RAD17: variants seen among roughly 807,000 people sequenced by gnomAD.
RAD17 encodes RAD17 checkpoint clamp loader component, also known as cell cycle checkpoint protein RAD17.
Under a neutral mutation model 81.5 loss-of-function variants are expected in RAD17, and 31 were observed. That is an observed-to-expected ratio of 0.38 (90% CI 0.29 to 0.51). RAD17 has a LOEUF of 0.51. RAD17 is among the 20% of genes least tolerant of loss of function. The probability of loss-of-function intolerance (pLI) is 0.88; values close to 1 mark genes in which losing one functional copy is unlikely to be tolerated. For missense variants in RAD17, 681 were observed against 781.2 expected (o/e 0.87, Z 1.53); for synonymous variants, 261 against 266.2 (o/e 0.98, Z 0.19).
intron 7 of RAD17, among the ~76,000 whole-genome samples, chr5:69,383,463 C>G (rs1272862845): frequency 6.6e-6 from 1 of 151,936 alleles, no homozygotes; most frequent in East Asian, 1.9e-4. Context: ...ACTGCAAGCT[C>G]CGCCTCCTGG....
Position 69,374,723 on chromosome 5 carries a change from A to G in RAD17, c.351+12A>G, listed in dbSNP as rs17229838. ...GGCAACCAAAACAGGTAACTAAGAA[A>G]TGTGTTTTTAAATATTTAACATCAA... On this transcript the variant is annotated intron_variant, in intron 6 of 18. Coordinates refer to ENST00000354868, the MANE Select transcript of RAD17 (RefSeq NM_133338.3). 747 of 1,579,424 alleles carry G rather than the reference A, an allele frequency of 4.7e-4. 11 individuals carry two copies. The Admixed American group carries it at 0.013, about 27-fold the overall frequency.
chr5:69,400,064 C>G lies in RAD17; in HGVS notation c.1588C>G (p.Leu530Val). The G allele has an allele frequency of 6.3e-7, 1 of 1,592,950 alleles. No individual in the cohort carries two copies. Among genetic ancestry groups the G allele is most frequent in the Non-Finnish European group, 8.5e-7 (1 of 1,170,466 alleles). Reference protein sequence around the residue: ...LINKKYRENCLAAKALFPDFC... With the variant: ...LINKKYRENCVAAKALFPDFC... Reference sequence around the variant, plus strand: ...TTCTATACAGTATCGGGAAAATTGCCTGGCAGCAAAAGCACTTTTTCCTGA... The same window carrying G: ...TTCTATACAGTATCGGGAAAATTGCGTGGCAGCAAAAGCACTTTTTCCTGA... Residue 530 changes from leucine to valine, a missense_variant, in exon 17 of 19, where the codon CTG (leucine) becomes GTG (valine). Leu to Val is a conservative substitution (Grantham distance 32, BLOSUM62 1). Coordinates refer to ENST00000354868, the MANE Select transcript of RAD17 (RefSeq NM_133338.3).
intron 17 of RAD17, among the ~76,000 whole-genome samples, chr5:69,402,404 G>A (rs547168219): frequency 2.0e-5 from 3 of 151,054 alleles, no homozygotes; most frequent in South Asian, 2.1e-4. Flanking sequence ...AGTGGTTCAC[G>A]CCTGTAATCC....
At chr5:69,395,274 T>A (rs962476002) in intron 15 of RAD17, among the ~76,000 whole-genome samples, 1 of 151,474 alleles carries the variant, frequency 6.6e-6, no homozygotes, top group Non-Finnish European at 1.5e-5. Flanking sequence ...ACTTTGGGAG[T>A]CCAAGGCAGG....
intron 6 of RAD17, among the ~76,000 whole-genome samples, chr5:69,381,530 T>G (rs1409010598): frequency 6.6e-6 from 1 of 152,048 alleles, no homozygotes; most frequent in Non-Finnish European, 1.5e-5. Flanking sequence ...TCTAAAAATC[T>G]TTGTTTCAGA....
At chr5:69,377,834 T>A (rs995306901) in intron 6 of RAD17, among the ~76,000 whole-genome samples, 2 of 151,790 alleles carry the variant, frequency 1.3e-5, no homozygotes, top group African/African-American at 4.8e-5. Context: ...GACGGTTGCC[T>A]ACACTGGATT....
chr5:69,370,554 C>T (rs1333408358), intron 1 of RAD17, among the ~76,000 whole-genome samples: 2 of 152,130 alleles, frequency 1.3e-5, no homozygotes, highest in South Asian at 2.1e-4. Flanking sequence ...TTTGGCCAGG[C>T]TGGTCTCAAA....
At chr5:69,395,464 A>G (rs1217884292) in intron 15 of RAD17, among the ~76,000 whole-genome samples, 3 of 152,226 alleles carry the variant, frequency 2.0e-5, no homozygotes, top group Non-Finnish European at 4.4e-5. Context: ...GTGAGCTGTG[A>G]TCGTGCCACC....
intron 6 of RAD17, among the ~76,000 whole-genome samples, chr5:69,375,545 C>T (rs909909599): frequency 4.6e-5 from 7 of 152,070 alleles, no homozygotes; most frequent in Admixed American, 1.3e-4. Flanking sequence ...ATAGAATATA[C>T]TCATTGTTTC....
chr5:69,393,065 A>AT, intron 13 of RAD17, 90 bp from the exon 14 acceptor site: 1 of 747,976 alleles, frequency 1.3e-6, no homozygotes, highest in East Asian at 2.7e-5. Context: ...TTGGTATTGT[A>AT]TGTCTAAAAT....
chr5:69,372,583 GTAATTATTAGCTAATAATTTC>G (rs970062255), intron 4 of RAD17, among the ~76,000 whole-genome samples: 5 of 151,844 alleles, frequency 3.3e-5, no homozygotes, highest in Admixed American at 2.0e-4. Flanking sequence ...CTAATTATTT[GTAATTATTAGCTAATAATTTC>G]TAATTATTAG....
intron 18 of RAD17, 64 bp from the exon 19 acceptor site, chr5:69,413,967 C>T (rs1561282892): frequency 3.2e-6 from 5 of 1,553,292 alleles, no homozygotes; most frequent in Non-Finnish European, 4.4e-6. Flanking sequence ...TCATCACACT[C>T]ATGGTGTAAT....
At chr5:69,405,288 G>A (rs915180362) in intron 17 of RAD17, among the ~76,000 whole-genome samples, 6 of 151,858 alleles carry the variant, frequency 4.0e-5, no homozygotes, top group African/African-American at 1.5e-4. Context: ...CGGATCACGA[G>A]GTCATGAGTT....
chr5:69,387,500 AAACT>A (rs1289292074), intron 11 of RAD17, among the ~76,000 whole-genome samples: 3 of 152,210 alleles, frequency 2.0e-5, no homozygotes, highest in African/African-American at 4.8e-5. Flanking sequence ...AATGAGAAAC[AAACT>A]GAGTCCAATA....
intron 6 of RAD17, among the ~76,000 whole-genome samples, chr5:69,377,811 G>A (rs1763610505): frequency 1.3e-5 from 2 of 151,042 alleles, no homozygotes; most frequent in African/African-American, 2.4e-5. Context: ...TTTAGAGACA[G>A]GGTCTTGCTA....
intron 17 of RAD17, among the ~76,000 whole-genome samples, chr5:69,401,831 CAAAA>C (rs781326416): frequency 7.7e-6 from 1 of 130,360 alleles, no homozygotes; most frequent in Non-Finnish European, 1.6e-5. Context: ...ACTAAAAATA[CAAAA>C]AAAACCCACA....
chr5:69,369,819 T>G lies in RAD17; in HGVS notation c.-531T>G, dbSNP rs1762808006. On this transcript the variant is annotated 5_prime_UTR_variant, in exon 1 of 19. Transcript: ENST00000354868. ...AGTCTGGAAGGTCCCCGGGAGGCCG[T>G]ACCTCCGAGAGGCTCGGCGTTGAGC... 5.7e-6 allele frequency: 6 copies of G among 1,044,884 alleles called. No individual in the cohort carries two copies. Among genetic ancestry groups the G allele is most frequent in the African/African-American group, 3.3e-5 (2 of 61,228 alleles). 64.7% of individuals were successfully genotyped at this position (1,044,884 alleles called of 1,614,324 possible).
At chr5:69,372,264 A>G in intron 4 of RAD17, 47 bp downstream of exon 4, 2 of 1,413,462 alleles carry the variant, frequency 1.4e-6, no homozygotes, top group Non-Finnish European at 2.0e-6. Flanking sequence ...TTTTTAATCC[A>G]CTGCCGATAA....
intron 18 of RAD17, 126 bp from the exon 19 acceptor site, chr5:69,413,904 TA>T: frequency 8.5e-7 from 1 of 1,177,780 alleles, no homozygotes; most frequent in African/African-American, 1.5e-5. Flanking sequence ...TTTTTATAGT[TA>T]AAGGGACTAG....
Sources: allele counts gnomAD v4.1 joint callset (sites outside exome capture counted in the v4.1 genomes callset), GRCh38; gene constraint gnomAD v4.1.1; transcripts MANE v1.5; gene names NCBI Gene and HGNC (gene_info 2026-07-23, HGNC 2026-07-21).